CLNK: variants seen among roughly 807,000 people sequenced by gnomAD.
CLNK encodes the protein cytokine-dependent hematopoietic cell linker.
In CLNK, 74 loss-of-function variants were observed where a neutral mutation model predicts 68.6. That is an observed-to-expected ratio of 1.08 (90% CI 0.89 to 1.31). The LOEUF (loss-of-function observed/expected upper bound fraction) is 1.31. Ranked by LOEUF, CLNK falls within the 50% of genes most tolerant of loss-of-function variation. The pLI, the probability that CLNK is intolerant of heterozygous loss-of-function variation, is 0.00. For missense variants in CLNK, 553 were observed against 515.3 expected, an observed-to-expected ratio of 1.07 and a Z score of -0.71; for synonymous variants, 198 against 172.2, an observed-to-expected ratio of 1.15 and a Z score of -1.17.
the CLNK span, among the ~76,000 whole-genome samples, chr4:10,725,233 G>A: frequency 2.9e-5 from 4 of 138,792 alleles, no homozygotes; most frequent in African/African-American, 1.1e-4. Flanking sequence ...TTAATGCCTT[G>A]ACTGGAGCAC....
At chr4:10,592,528 G>A (rs372538001) in intron 3 of CLNK, among the ~76,000 whole-genome samples, 7 of 150,542 alleles carry the variant, frequency 4.6e-5, no homozygotes, top group African/African-American at 1.2e-4. Flanking sequence ...TCTTTTTCAC[G>A]TCTATTTAAG....
At chr4:10,653,572 T>A (rs984722387) in intron 2 of CLNK, among the ~76,000 whole-genome samples, 1 of 152,146 alleles carries the variant, frequency 6.6e-6, no homozygotes, top group African/African-American at 2.4e-5. Flanking sequence ...TAGAAATACA[T>A]AACTGAAATA....
Position 10,552,700 on chromosome 4 carries a change from G to A in CLNK, c.445+5707C>T, listed in dbSNP as rs2108815114. On this transcript the variant is annotated intron_variant, in intron 8 of 18. Transcript: ENST00000226951. The stretch of plus-strand genomic sequence containing the variant: ...TTCCCCCAAACTGCCTTTGGAAACC[G>A]CTGACCTATGAGCTTTGAATGAGAC... 2.6e-5 allele frequency among the ~76,000 whole-genome samples: 4 copies of A among 152,114 alleles called. No individual in the cohort carries two copies. The Middle Eastern group carries it at 0.014, about 517-fold the overall frequency.
chr4:10,572,953 C>T (rs903320807), intron 4 of CLNK, among the ~76,000 whole-genome samples: 2 of 152,082 alleles, frequency 1.3e-5, no homozygotes, highest in Non-Finnish European at 2.9e-5. Flanking sequence ...CTCAGCCTCC[C>T]GAGTGGCTGG....
chr4:10,516,966 T>G (rs2109042809), intron 15 of CLNK, among the ~76,000 whole-genome samples: 1 of 152,304 alleles, frequency 6.6e-6, no homozygotes, highest in East Asian at 1.9e-4. Context: ...ACCTTAATTA[T>G]GGTTAGTTAT....
chr4:10,694,971 T>C, the CLNK span, among the ~76,000 whole-genome samples: 1 of 152,204 alleles, frequency 6.6e-6, no homozygotes, highest in South Asian at 2.1e-4. Context: ...CTACTGTGAA[T>C]AATCATGCAA....
chr4:10,528,258 C>A (rs1443586761), intron 12 of CLNK, among the ~76,000 whole-genome samples, 164 bp from the exon 13 acceptor site: 1 of 152,112 alleles, frequency 6.6e-6, no homozygotes, highest in Non-Finnish European at 1.5e-5. Context: ...CTTCATAAAA[C>A]TAAACAAAAA....
chr4:10,558,348 T>G (rs1240386779), intron 8 of CLNK, 59 bp downstream of exon 8: 7 of 1,467,720 alleles, frequency 4.8e-6, no homozygotes, highest in Admixed American at 1.7e-5. Context: ...GAGAGGATCT[T>G]AGAAGCAAAA....
chr4:10,692,530 G>T, the CLNK span, among the ~76,000 whole-genome samples: 1 of 152,178 alleles, frequency 6.6e-6, no homozygotes, highest in Non-Finnish European at 1.5e-5. Flanking sequence ...TCCACTCATG[G>T]AAAATTCTCA....
At chr4:10,541,742 C>T (rs1453393924) in intron 10 of CLNK, among the ~76,000 whole-genome samples, 1 of 151,594 alleles carries the variant, frequency 6.6e-6, no homozygotes, top group Non-Finnish European at 1.5e-5. Context: ...AGGAGAGGAA[C>T]AGAAAAAAAC....
At chr4:10,666,800 C>T (rs1022557409) in intron 2 of CLNK, among the ~76,000 whole-genome samples, 4 of 152,198 alleles carry the variant, frequency 2.6e-5, no homozygotes, top group African/African-American at 9.7e-5. Flanking sequence ...AGAGGAAGAG[C>T]AGAAGCTCCA....
At chr4:10,555,142 T>C (rs908412013) in intron 8 of CLNK, among the ~76,000 whole-genome samples, 8 of 152,270 alleles carry the variant, frequency 5.3e-5, no homozygotes, top group African/African-American at 1.4e-4. Flanking sequence ...TGTGGAATTC[T>C]ACTTTGCTTC....
At chr4:10,560,782 T>C (rs1427003086) in intron 7 of CLNK, among the ~76,000 whole-genome samples, 2 of 152,198 alleles carry the variant, frequency 1.3e-5, no homozygotes, top group Admixed American at 1.3e-4. Flanking sequence ...TCAACATAAA[T>C]GTGCAGAACT....
At chr4:10,569,376 A>C (rs1443278669) in intron 5 of CLNK, among the ~76,000 whole-genome samples, 1 of 150,900 alleles carries the variant, frequency 6.6e-6, no homozygotes, top group African/African-American at 2.5e-5. Context: ...CTCTCTCCCC[A>C]CCCGTCCCCA....
At chr4:10,571,859 T>A in intron 4 of CLNK, 81 bp from the exon 5 acceptor site, 1 of 1,090,524 alleles carries the variant, frequency 9.2e-7, no homozygotes, top group Non-Finnish European at 1.4e-6. Flanking sequence ...CTTGTTTTTC[T>A]CCAGAAATCT....
At chr4:10,592,286 C>A (rs1251834230) in intron 3 of CLNK, among the ~76,000 whole-genome samples, 1 of 152,044 alleles carries the variant, frequency 6.6e-6, no homozygotes, top group Non-Finnish European at 1.5e-5. Context: ...TCAATCAGTG[C>A]TCCCAATACA....
At chr4:10,662,324 C>A (rs1406429173) in intron 2 of CLNK, among the ~76,000 whole-genome samples, 1 of 152,206 alleles carries the variant, frequency 6.6e-6, no homozygotes, top group East Asian at 1.9e-4. Flanking sequence ...CATGCTTGAT[C>A]TAAATCCCCT....
chr4:10,549,228 C>CA (rs1289329539), intron 8 of CLNK, among the ~76,000 whole-genome samples: 1 of 152,154 alleles, frequency 6.6e-6, no homozygotes, highest in Non-Finnish European at 1.5e-5. Context: ...CTTAGCTAAC[C>CA]AAAATCCTTC....
At chr4:10,732,418 T>C in the CLNK span, among the ~76,000 whole-genome samples, 1 of 152,176 alleles carries the variant, frequency 6.6e-6, no homozygotes, top group Non-Finnish European at 1.5e-5. Flanking sequence ...TAATGACAAG[T>C]GAAAAAGCTA....
Sources: allele counts gnomAD v4.1 joint callset (sites outside exome capture counted in the v4.1 genomes callset), GRCh38; gene constraint gnomAD v4.1.1; transcripts MANE v1.5; gene names NCBI Gene and HGNC (gene_info 2026-07-23, HGNC 2026-07-21).